ZCCHC14: variants seen among roughly 807,000 people sequenced by gnomAD.
ZCCHC14 encodes zinc finger CCHC-type containing 14, also known as zinc finger CCHC domain-containing protein 14.
A neutral mutation model predicts 85.0 loss-of-function variants in ZCCHC14; 16 were observed. That is an observed-to-expected ratio of 0.19 (90% confidence interval 0.13 to 0.29). ZCCHC14 has a LOEUF of 0.29. Ranked by LOEUF, ZCCHC14 falls within the 10% of genes least tolerant of loss-of-function variation. The pLI is 1.00. For synonymous variants in ZCCHC14, 775 were observed against 630.7 expected, an observed-to-expected ratio of 1.23 and a Z score of -3.43; for missense variants, 1,303 against 1,443.5, an observed-to-expected ratio of 0.90 and a Z score of 1.58.
Position 87,463,856 on chromosome 16 carries a change from G to C in ZCCHC14, c.571-3725C>G, listed in dbSNP as rs552596435. Among the ~76,000 whole-genome samples, 34 of 152,248 alleles carry C rather than the reference G, an allele frequency of 2.2e-4. No individual in the cohort carries two copies. In the South Asian group the frequency reaches 4.6e-3, roughly 20 times the overall value. On this transcript the variant is annotated intron_variant, in intron 1 of 12. Coordinates refer to ENST00000671377, the MANE Select transcript of ZCCHC14 (RefSeq NM_015144.3). ...AAAAAAAACAAACAGAGTCTCTTCT[G>C]TCACTCAGGCTGGAATGCAGTGGCA...
intron 1 of ZCCHC14, among the ~76,000 whole-genome samples, chr16:87,468,988 G>A (rs896602191): frequency 2.6e-5 from 4 of 152,264 alleles, no homozygotes; most frequent in South Asian, 2.1e-4. Flanking sequence ...AAAAGAATAC[G>A]GTCAGTTTAA....
At chr16:87,417,159 C>G (rs994792452) in intron 8 of ZCCHC14, among the ~76,000 whole-genome samples, 1 of 152,186 alleles carries the variant, frequency 6.6e-6, no homozygotes, top group African/African-American at 2.4e-5. Context: ...TGCCAGAGCT[C>G]AGGATTTCTG....
chr16:87,480,057 G>C (rs1157860328), intron 1 of ZCCHC14, among the ~76,000 whole-genome samples: 1 of 151,856 alleles, frequency 6.6e-6, no homozygotes, highest in East Asian at 1.9e-4. Context: ...TTACAGGTGT[G>C]AGCCAGTGCA....
intron 3 of ZCCHC14, among the ~76,000 whole-genome samples, chr16:87,427,854 C>T (rs1024559562): frequency 6.6e-6 from 1 of 151,814 alleles, no homozygotes; most frequent in African/African-American, 2.4e-5. Context: ...ACCATGTCAC[C>T]CAGGCTGGCT....
intron 1 of ZCCHC14, among the ~76,000 whole-genome samples, chr16:87,485,973 A>T (rs527412964): frequency 1.3e-5 from 2 of 152,212 alleles, no homozygotes; most frequent in East Asian, 3.8e-4. Context: ...CGTATTACTC[A>T]TCATACCCAA....
chr16:87,438,490 G>C (rs1267562686), intron 2 of ZCCHC14, among the ~76,000 whole-genome samples: 2 of 152,192 alleles, frequency 1.3e-5, no homozygotes, highest in African/African-American at 2.4e-5. Context: ...TGACACACGG[G>C]AAGGAGACGG....
chr16:87,418,157 T>C (rs1908894102), intron 7 of ZCCHC14, among the ~76,000 whole-genome samples: 1 of 152,208 alleles, frequency 6.6e-6, no homozygotes, highest in African/African-American at 2.4e-5. Context: ...GTATTTCTGT[T>C]ACTTCTAAGT....
At chr16:87,447,794 T>C (rs1291655874) in intron 2 of ZCCHC14, among the ~76,000 whole-genome samples, 1 of 152,244 alleles carries the variant, frequency 6.6e-6, no homozygotes, top group Non-Finnish European at 1.5e-5. Context: ...TTCTTAATGG[T>C]TGTACCATTT....
intron 2 of ZCCHC14, among the ~76,000 whole-genome samples, chr16:87,446,627 G>C (rs1910451586): frequency 6.6e-6 from 1 of 152,102 alleles, no homozygotes; most frequent in Non-Finnish European, 1.5e-5. Flanking sequence ...TCTACCTTTT[G>C]AGCAAATGAG....
intron 1 of ZCCHC14, 142 bp from the exon 2 acceptor site, chr16:87,460,273 C>A: frequency 8.4e-7 from 1 of 1,189,206 alleles, no homozygotes; most frequent in Non-Finnish European, 1.1e-6. Flanking sequence ...TAAGCCTTCC[C>A]CAAGAAAGAT....
Position 87,412,463 on chromosome 16 carries a change from A to T in ZCCHC14, c.2258T>A (p.Val753Glu). The T allele has an allele frequency of 6.2e-7, 1 of 1,613,930 alleles. No homozygotes were observed. The highest frequency in any genetic ancestry group is 8.5e-7 in the Non-Finnish European group (1 of 1,179,970). The change falls in exon 12 of 13, where the codon GTG becomes GAG. Residue 753 changes from valine to glutamate, a missense_variant. This residue lies in a region of ZCCHC14 where 797 missense variants were observed against 730.8 expected (regional missense o/e 1.09). Coordinates refer to ENST00000671377, the MANE Select transcript of ZCCHC14 (RefSeq NM_015144.3). Reference protein sequence around the residue: ...LKTAQQPALVVETSTAATGTP... With the variant: ...LKTAQQPALVEETSTAATGTP... ...CCCCGTGGCGGCCGTGCTGGTCTCCACGACCAGGGCCGGTTGCTGTGCTGT... is the reference window on the plus strand; with the variant it reads ...CCCCGTGGCGGCCGTGCTGGTCTCCTCGACCAGGGCCGGTTGCTGTGCTGT...
intron 10 of ZCCHC14, among the ~76,000 whole-genome samples, chr16:87,414,199 G>A (rs3815942): frequency 1.6e-5 from 2 of 125,572 alleles, no homozygotes; most frequent in South Asian, 2.4e-4. Context: ...CCCGGCACAC[G>A]GGCCCTCTCT....
chr16:87,412,270 G>A lies in ZCCHC14; in HGVS notation c.2451C>T (p.Asn817=). 6.2e-7 allele frequency: 1 copy of A among 1,612,404 alleles called. No individual in the cohort carries two copies. The highest frequency in any genetic ancestry group is 1.1e-5 in the South Asian group (1 of 90,992). Residue 817 remains asparagine, a synonymous_variant, in exon 12 of 13, where the codon AAC becomes AAT. Coordinates refer to ENST00000671377, the MANE Select transcript of ZCCHC14 (RefSeq NM_015144.3). ...TCATTGCAGAAAAGGCAACTTTGGT[G>A]TTGGCTGTGTACAGAGCAGTCCGGG... ...INPRTALYTA[N]TKVAFSAMSS...
Position 87,460,369 on chromosome 16 carries a change from G to T in ZCCHC14, c.571-238C>A, listed in dbSNP as rs1006500818. On this transcript the variant is annotated intron_variant, in intron 1 of 12. Transcript: ENST00000671377. ...ACACGGGCGCTTACGTCTTGTGGCT[G>T]GGGTTCATCGGGTGCACAGAAACTA... Among the ~76,000 whole-genome samples, 6 of 152,232 alleles carry T rather than the reference G, an allele frequency of 3.9e-5. No individual in the cohort carries two copies. The South Asian group carries it at 1.2e-3, about 32-fold the overall frequency.
Position 87,414,508 on chromosome 16 carries a change from C to A in ZCCHC14, c.1509G>T (p.Ser503=), listed in dbSNP as rs779590270. Residue 503 remains serine (S), a synonymous_variant, in exon 10 of 13, where the codon TCG becomes TCT. Transcript: ENST00000671377. ...CACTGCTGGTGACCAGCGGCGGGGC[C>A]GAGGGGTTCAGGCACCGTCTCTCTG... is the stretch of plus-strand genomic sequence containing the variant. The part of the protein sequence containing the change: ...EKSERRCLNP[S]APPLVTSSGV... 6.2e-7 allele frequency: 1 copy of A among 1,612,932 alleles called. No individual in the cohort carries two copies. Among genetic ancestry groups the A allele is most frequent in the Non-Finnish European group, 8.5e-7 (1 of 1,179,554 alleles).
Position 87,491,576 on chromosome 16 carries a change from G to A in ZCCHC14, c.570+93C>T. 1 of 1,197,068 alleles carries A rather than the reference G, an allele frequency of 8.4e-7. No homozygotes were observed. The allele number at this position is 1,197,068 out of a possible 1,614,324, so 74.2% of individuals were successfully genotyped here. A position where few individuals can be genotyped will look rare whatever the true frequency, so the allele number is the denominator to read the frequency against. ...GCTCTCAGTGCAGGCTGGAGGCGTG[G>A]GTCGGGGGGTCGCGGTGCAGGCTGG... On this transcript the variant is annotated intron_variant, in intron 1 of 12. Coordinates refer to ENST00000671377, the MANE Select transcript of ZCCHC14 (RefSeq NM_015144.3). The surrounding 1 kb of genome is among the most constrained non-coding windows in gnomAD (Gnocchi z 5.9).
intron 1 of ZCCHC14, among the ~76,000 whole-genome samples, chr16:87,463,829 G>GA (rs907391460): frequency 7.3e-5 from 11 of 150,650 alleles, no homozygotes; most frequent in South Asian, 2.1e-4. Flanking sequence ...CGTCTCAGGA[G>GA]AAAAAAAAAC....
intron 3 of ZCCHC14, among the ~76,000 whole-genome samples, chr16:87,425,251 C>G (rs1236417226): frequency 6.6e-6 from 1 of 152,196 alleles, no homozygotes; most frequent in Non-Finnish European, 1.5e-5. Flanking sequence ...AAGGCGTGCA[C>G]CTTGCCACCC....
In ZCCHC14 at chr16:87,482,914, C is replaced by T. The variant is rs544717336; in HGVS notation, c.570+8755G>A. ...GGGACTGTCTTCAGAATGTACGGGGCGTCATGTGTATTATGTATGCACAAT... is the reference window on the plus strand; with the variant it reads ...GGGACTGTCTTCAGAATGTACGGGGTGTCATGTGTATTATGTATGCACAAT... On this transcript the variant is annotated intron_variant, in intron 1 of 12. Coordinates refer to ENST00000671377, the MANE Select transcript of ZCCHC14 (RefSeq NM_015144.3). Among the ~76,000 whole-genome samples the T allele has an allele frequency of 1.8e-4, 27 of 151,900 alleles. No individual in the cohort carries two copies. In the South Asian group the frequency reaches 5.2e-3, roughly 29 times the overall value.
Sources: gnomAD v4.1 joint callset for allele counts (sites outside exome capture counted in the v4.1 genomes callset) on GRCh38, gnomAD v4.1.1 for gene constraint, gnomAD v4.1.1 regional missense constraint, Gnocchi (gnomAD v3.1) non-coding constraint, MANE v1.5 for transcripts, NCBI Gene and HGNC (gene_info 2026-07-23, HGNC 2026-07-21) for gene names.